DCDC2: variants seen among roughly 807,000 people sequenced by gnomAD.
DCDC2 encodes the protein doublecortin domain containing 2, also known as doublecortin domain-containing protein 2.
A neutral mutation model predicts 50.2 loss-of-function variants in DCDC2; 40 were observed. The ratio of observed to expected loss-of-function variants is 0.80; its 90% confidence interval spans 0.62 to 1.04. The LOEUF is 1.04. Among genes scored for constraint, DCDC2 ranks in the 50% least tolerant of loss-of-function variants. The pLI is 0.00. For synonymous variants in DCDC2, 234 were observed against 210.6 expected, an observed-to-expected ratio of 1.11 and a Z score of -0.96; for missense variants, 570 against 581.9, an observed-to-expected ratio of 0.98 and a Z score of 0.21.
At chr6:24,199,973 G>GA (rs1252332414) in intron 8 of DCDC2, among the ~76,000 whole-genome samples, 2 of 151,746 alleles carry the variant, frequency 1.3e-5, no homozygotes, top group Non-Finnish European at 2.9e-5. Context: ...AAAAAATAAT[G>GA]AAAAGGAACA....
intron 7 of DCDC2, among the ~76,000 whole-genome samples, chr6:24,246,381 C>T (rs1227834697): frequency 6.6e-6 from 1 of 151,714 alleles, no homozygotes; most frequent in African/African-American, 2.4e-5. Context: ...AAAATAAATT[C>T]CCCAATCCAT....
At chr6:24,210,419 T>A (rs567615113) in intron 7 of DCDC2, among the ~76,000 whole-genome samples, 3 of 152,230 alleles carry the variant, frequency 2.0e-5, no homozygotes, top group Admixed American at 2.0e-4. Context: ...CCTAAACTGC[T>A]CATCCCCCAG....
chr6:24,243,447 A>G (rs1376988891), intron 7 of DCDC2, among the ~76,000 whole-genome samples: 1 of 152,172 alleles, frequency 6.6e-6, no homozygotes, highest in Non-Finnish European at 1.5e-5. Flanking sequence ...GTGGAAGATG[A>G]GGCTAAAAGA....
chr6:24,353,652 G>C (rs376416969), intron 1 of DCDC2, 29 bp from the exon 2 acceptor site: 44 of 1,447,640 alleles, frequency 3.0e-5, no homozygotes, highest in Non-Finnish European at 4.0e-5. Flanking sequence ...AACAATAAGA[G>C]TTGCTTTTAT....
intron 2 of DCDC2, among the ~76,000 whole-genome samples, chr6:24,324,881 T>TAAAA (rs111539475): frequency 2.3e-4 from 31 of 134,098 alleles, no homozygotes; most frequent in South Asian, 9.6e-4. Context: ...AGAGCTTGTC[T>TAAAA]AAAAAAAAAA....
chr6:24,355,716 G>A (rs754082346), intron 1 of DCDC2, among the ~76,000 whole-genome samples: 4 of 152,148 alleles, frequency 2.6e-5, no homozygotes, highest in African/African-American at 9.7e-5. Flanking sequence ...TGCTTAAGAA[G>A]CTTCAGGGGA....
At chr6:24,326,756 G>C (rs1759875798) in intron 2 of DCDC2, among the ~76,000 whole-genome samples, 1 of 148,320 alleles carries the variant, frequency 6.7e-6, no homozygotes, top group Non-Finnish European at 1.5e-5. Flanking sequence ...CTAGTCAGGT[G>C]GCTGAAGCAG....
intron 7 of DCDC2, among the ~76,000 whole-genome samples, chr6:24,214,735 C>T (rs1761939348): frequency 1.3e-5 from 2 of 152,134 alleles, no homozygotes; most frequent in African/African-American, 4.8e-5. Context: ...CTTATTTGGC[C>T]TAAAATTGAC....
chr6:24,281,127 A>C (rs1763459922), intron 6 of DCDC2, among the ~76,000 whole-genome samples: 1 of 152,122 alleles, frequency 6.6e-6, no homozygotes. Flanking sequence ...GATTTATCAA[A>C]TTTCTGATAA....
chr6:24,377,983 C>T, the DCDC2 span, among the ~76,000 whole-genome samples: 1 of 152,138 alleles, frequency 6.6e-6, no homozygotes, highest in Non-Finnish European at 1.5e-5. Flanking sequence ...GAGCAAAATT[C>T]CATCTCAGAA....
chr6:24,333,598 G>C (rs2127241747), intron 2 of DCDC2, among the ~76,000 whole-genome samples: 1 of 152,236 alleles, frequency 6.6e-6, no homozygotes, highest in Admixed American at 6.5e-5. Context: ...GAAGATTCAT[G>C]AACTGAAGTC....
chr6:24,319,465 T>C (rs1759733364), intron 2 of DCDC2, among the ~76,000 whole-genome samples: 1 of 152,118 alleles, frequency 6.6e-6, no homozygotes, highest in South Asian at 2.1e-4. Context: ...TTTGTCTACT[T>C]TTGTTTTGTT....
chr6:24,301,059 A>G (rs1396894694), intron 4 of DCDC2, among the ~76,000 whole-genome samples: 1 of 151,516 alleles, frequency 6.6e-6, no homozygotes, highest in Non-Finnish European at 1.5e-5. Context: ...CTTTAAAAAA[A>G]AAAAACGGAC....
chr6:24,307,860 A>C (rs910808099), intron 2 of DCDC2, among the ~76,000 whole-genome samples: 1 of 151,692 alleles, frequency 6.6e-6, no homozygotes, highest in Non-Finnish European at 1.5e-5. Context: ...TTTTGAGGGG[A>C]TGTGCCATAA....
At chr6:24,283,043 G>GGTAATAAGGACAA (rs2113823575) in intron 6 of DCDC2, among the ~76,000 whole-genome samples, 1 of 152,126 alleles carries the variant, frequency 6.6e-6, no homozygotes, top group East Asian at 1.9e-4. Context: ...AGATGTATAA[G>GGTAATAAGGACAA]CCAAATGGTA....
intron 2 of DCDC2, among the ~76,000 whole-genome samples, chr6:24,315,694 G>A (rs1759647996): frequency 6.6e-6 from 1 of 152,194 alleles, no homozygotes; most frequent in Non-Finnish European, 1.5e-5. Context: ...TAGCTGGAGT[G>A]CAGTAGGGAG....
At chr6:24,382,906 T>A in the DCDC2 span, among the ~76,000 whole-genome samples, 1 of 152,246 alleles carries the variant, frequency 6.6e-6, no homozygotes, top group Admixed American at 6.5e-5. Context: ...TCATGGATTT[T>A]TTTTTAGTTC....
At chr6:24,350,628 C>T (rs966273321) in intron 2 of DCDC2, among the ~76,000 whole-genome samples, 13 of 152,036 alleles carry the variant, frequency 8.6e-5, no homozygotes, top group Admixed American at 2.0e-4. Flanking sequence ...CATAATGACA[C>T]ATTTTTGAAT....
At chr6:24,223,357 C>T (rs59336318) in intron 7 of DCDC2, among the ~76,000 whole-genome samples, 14,090 of 152,226 alleles carry the variant, frequency 0.093, 1,217 homozygotes, top group African/African-American at 0.22. Flanking sequence ...TTTCTGTACA[C>T]GAGTGAGTGA....
Sources: gnomAD v4.1 joint callset for allele counts (sites outside exome capture counted in the v4.1 genomes callset) on GRCh38, gnomAD v4.1.1 for gene constraint, MANE v1.5 for transcripts, NCBI Gene and HGNC (gene_info 2026-07-23, HGNC 2026-07-21) for gene names.